Variants in ANK2 observed in about 807,000 individuals in gnomAD.
ANK2 encodes the protein ankyrin-2.
ANK2 carries 83 observed loss-of-function variants against 360.5 expected under a neutral mutation model. The observed-to-expected ratio is 0.23, with a 90% CI of 0.19 to 0.28. The LOEUF (loss-of-function observed/expected upper bound fraction) is 0.28, where lower values mean the gene tolerates loss of function less well. Ranked by LOEUF, ANK2 falls within the 10% of genes least tolerant of loss-of-function variation. The probability of loss-of-function intolerance (pLI) is 1.00; values close to 1 mark genes in which losing one functional copy is unlikely to be tolerated. For missense variants in ANK2, 4,201 were observed against 4,795.7 expected (o/e 0.88, Z 3.66); for synonymous variants, 1,740 against 1,759.5 (o/e 0.99, Z 0.28).
chr4:112,791,048 T>C, the ANK2 span, among the ~76,000 whole-genome samples: 1 of 152,152 alleles, frequency 6.6e-6, no homozygotes, highest in Non-Finnish European at 1.5e-5. Flanking sequence ...TGAAGAAAAA[T>C]TCTATTGACA....
intron 2 of ANK2, among the ~76,000 whole-genome samples, chr4:112,991,615 C>CTTT (rs1363502696): frequency 0.025 from 2,022 of 80,112 alleles, 23 homozygotes; most frequent in South Asian, 0.04. Flanking sequence ...TCTTTTCTTT[C>CTTT]TTTCTTTTTT....
chr4:113,336,292 TAAA>T (rs11355670), intron 30 of ANK2: 742 of 501,898 alleles, frequency 1.5e-3, no homozygotes, highest in South Asian at 2.2e-3. Flanking sequence ...TTTCTTCTTG[TAAA>T]AAAAAAAAAA....
the ANK2 span, among the ~76,000 whole-genome samples, chr4:112,717,906 T>C: frequency 3.3e-5 from 5 of 152,344 alleles, no homozygotes; most frequent in Admixed American, 3.3e-4. Context: ...TATCTCTCTT[T>C]CTGATAAAAA....
chr4:113,075,448 T>C (rs1426640038), intron 1 of ANK2, among the ~76,000 whole-genome samples: 1 of 152,226 alleles, frequency 6.6e-6, no homozygotes, highest in Admixed American at 6.5e-5. Context: ...GGTAATGTTT[T>C]CTGTGCTTTT....
At chr4:112,738,784 C>T in the ANK2 span, 1 of 622,664 alleles carries the variant, frequency 1.6e-6, no homozygotes, top group Non-Finnish European at 3.0e-6. Context: ...TGGTGGAAAC[C>T]CAGAGGTATT....
chr4:112,787,355 G>C, the ANK2 span, among the ~76,000 whole-genome samples: 2 of 152,130 alleles, frequency 1.3e-5, no homozygotes, highest in African/African-American at 4.8e-5. Context: ...GTAGACTTGT[G>C]TATTACTTGT....
chr4:112,788,317 T>C, the ANK2 span: 4 of 1,565,204 alleles, frequency 2.6e-6, no homozygotes, highest in Non-Finnish European at 3.5e-6. Flanking sequence ...GACGTCCCAG[T>C]CTTGCCTTCC....
At chr4:112,738,926 C>T in the ANK2 span, 6 of 706,152 alleles carry the variant, frequency 8.5e-6, no homozygotes, top group East Asian at 3.7e-5. Context: ...TAGTGGCTTC[C>T]GCAAGTTCCT....
the ANK2 span, among the ~76,000 whole-genome samples, chr4:112,766,734 G>A: frequency 6.6e-6 from 1 of 152,150 alleles, no homozygotes; most frequent in Non-Finnish European, 1.5e-5. Context: ...GGAGTTATTT[G>A]CAACATCTGT....
chr4:112,940,437 A>G (rs966686993), intron 2 of ANK2, among the ~76,000 whole-genome samples: 11 of 152,206 alleles, frequency 7.2e-5, no homozygotes, highest in Non-Finnish European at 1.6e-4. Flanking sequence ...AGCTAGTGAC[A>G]TTAAAAAATT....
intron 1 of ANK2, among the ~76,000 whole-genome samples, chr4:112,864,344 C>G (rs969154053): frequency 6.6e-6 from 1 of 152,148 alleles, no homozygotes; most frequent in Non-Finnish European, 1.5e-5. Flanking sequence ...GAGTCTCGCT[C>G]TGTTGCCCAG....
At chr4:113,282,581 A>G (rs781394320) in intron 17 of ANK2, 94 bp from the exon 18 acceptor site, 80 of 1,216,700 alleles carry the variant, frequency 6.6e-5, no homozygotes, top group Non-Finnish European at 8.7e-5. Flanking sequence ...TAACTCTTCT[A>G]TTGATTAGAG....
At chr4:113,217,608 C>T (rs1450666608) in intron 4 of ANK2, among the ~76,000 whole-genome samples, 1 of 152,136 alleles carries the variant, frequency 6.6e-6, no homozygotes, top group Admixed American at 6.6e-5. Flanking sequence ...ACCTAGATCC[C>T]TTTCACAGGC....
At chr4:113,226,878 A>G (rs1212151439) in intron 4 of ANK2, among the ~76,000 whole-genome samples, 1 of 152,228 alleles carries the variant, frequency 6.6e-6, no homozygotes, top group Non-Finnish European at 1.5e-5. Context: ...CCCACCCAGT[A>G]TCAGCCTGGG....
the ANK2 span, among the ~76,000 whole-genome samples, chr4:112,790,357 G>T: frequency 1.3e-5 from 2 of 152,040 alleles, no homozygotes; most frequent in Non-Finnish European, 2.9e-5. Context: ...AAATATCAGG[G>T]CTCCAACCAA....
chr4:113,307,618 C>T (rs902835907), intron 23 of ANK2, among the ~76,000 whole-genome samples: 1 of 151,920 alleles, frequency 6.6e-6, no homozygotes, highest in East Asian at 1.9e-4. Flanking sequence ...GGCCAGGCTG[C>T]TCTCGAACTC....
chr4:112,837,205 A>T (rs2149753665), intron 1 of ANK2, among the ~76,000 whole-genome samples: 1 of 152,358 alleles, frequency 6.6e-6, no homozygotes, highest in South Asian at 2.1e-4. Flanking sequence ...GGGCCCATGT[A>T]CAGCTCAGTC....
the ANK2 span, among the ~76,000 whole-genome samples, chr4:112,706,132 G>A: frequency 6.6e-6 from 1 of 151,420 alleles, no homozygotes; most frequent in African/African-American, 2.4e-5. Flanking sequence ...GAAGAAACCC[G>A]GAGCCGCAGG....
At chr4:112,902,963 C>T (rs1214867849) in intron 1 of ANK2, among the ~76,000 whole-genome samples, 1 of 152,136 alleles carries the variant, frequency 6.6e-6, no homozygotes, top group African/African-American at 2.4e-5. Context: ...AGAGAGCCTC[C>T]TGGAAACTGA....
Sources: gnomAD v4.1 joint callset for allele counts (sites outside exome capture counted in the v4.1 genomes callset) on GRCh38, gnomAD v4.1.1 for gene constraint, MANE v1.5 for transcripts, NCBI Gene and HGNC (gene_info 2026-07-23, HGNC 2026-07-21) for gene names.